TP53INP1: variants seen among roughly 807,000 people sequenced by gnomAD.
The protein encoded by TP53INP1 is tumor protein p53 inducible nuclear protein 1, also known as tumor protein p53-inducible nuclear protein 1.
In TP53INP1, 12 loss-of-function variants were observed where a neutral mutation model predicts 21.0. The ratio of observed to expected loss-of-function variants is 0.57; its 90% CI spans 0.37 to 0.93. TP53INP1 has a LOEUF of 0.93. TP53INP1 is among the 40% of genes least tolerant of loss of function. The pLI is 0.01. For missense variants in TP53INP1, 274 were observed against 294.7 expected, an observed-to-expected ratio of 0.93 and a Z score of 0.51; for synonymous variants, 91 against 94.8, an observed-to-expected ratio of 0.96 and a Z score of 0.23.
In TP53INP1 at chr8:94,927,577, TATAAATGC is replaced by T. The variant is rs1820004765; in HGVS notation, c.*2894_*2901del. 6.6e-6 allele frequency: 1 copy of T among 152,160 alleles called. No individual in the cohort carries two copies. Among genetic ancestry groups the T allele is most frequent in the Non-Finnish European group, 1.5e-5 (1 of 68,010 alleles). 9.4% of individuals were successfully genotyped at this position (152,160 alleles called of 1,614,324 possible). On this transcript the variant is annotated 3_prime_UTR_variant, in exon 4 of 4. Transcript: ENST00000342697. ...AAAAAATTCCCCACCCAATCAACCATATAAATGCATTGCCACAGAAGATAAATAATGGA... is the reference window on the plus strand; with the variant it reads ...AAAAAATTCCCCACCCAATCAACCATATTGCCACAGAAGATAAATAATGGA...
intron 3 of TP53INP1, 106 bp from the exon 4 acceptor site, chr8:94,930,834 T>A: frequency 1.6e-6 from 2 of 1,247,116 alleles, no homozygotes; most frequent in Non-Finnish European, 2.2e-6. Flanking sequence ...TGTTTATGGC[T>A]GAATGAGAGC....
At chr8:94,947,284 TA>T (rs11331443) in intron 1 of TP53INP1, among the ~76,000 whole-genome samples, 116,973 of 143,134 alleles carry the variant, frequency 0.82, 49,496 homozygotes, top group Non-Finnish European at 0.92. Context: ...CAAAAAATAT[TA>T]AAAAAAAAAA....
intron 2 of TP53INP1, among the ~76,000 whole-genome samples, chr8:94,940,519 CT>C (rs1277456002): frequency 2.0e-5 from 3 of 151,958 alleles, no homozygotes; most frequent in African/African-American, 7.3e-5. Flanking sequence ...GATTTTAAGA[CT>C]GTTTCTATTC....
intron 1 of TP53INP1, among the ~76,000 whole-genome samples, chr8:94,948,528 G>A (rs1398831691): frequency 1.3e-5 from 2 of 152,218 alleles, no homozygotes; most frequent in Non-Finnish European, 1.5e-5. Context: ...ACAGGCCGCG[G>A]ACAGGCGGGG....
Position 94,940,778 on chromosome 8 carries a change from G to A in TP53INP1, c.112+52C>T, listed in dbSNP as rs970177693. 1.1e-5 allele frequency: 15 copies of A among 1,386,394 alleles called. No individual in the cohort carries two copies. In the Admixed American group the frequency reaches 2.3e-4, roughly 21 times the overall value. The allele number at this position is 1,386,394 out of a possible 1,614,324, so 85.9% of individuals were successfully genotyped here. ...TCCTTATGCAAAAACTGAGATGCAA[G>A]TTTCCATTTTTACTGTGAAGATGAA... On this transcript the variant is annotated intron_variant, in intron 2 of 3. Transcript: ENST00000342697.
In TP53INP1 at chr8:94,928,396, T is replaced by C. The variant is rs1465010560; in HGVS notation, c.*2083A>G. ...TCAGAGTTTTACATCCTGAAGACAT[T>C]AAGCTGGTCTATTTTCAAGTTACCA... On this transcript the variant is annotated 3_prime_UTR_variant, in exon 4 of 4. Coordinates refer to ENST00000342697, the MANE Select transcript of TP53INP1 (RefSeq NM_033285.4). 2 of 152,324 alleles carry C rather than the reference T, an allele frequency of 1.3e-5. No homozygotes were observed. The highest frequency in any genetic ancestry group is 4.8e-5 in the African/African-American group (2 of 41,456). The allele number at this position is 152,324 out of a possible 1,614,324, so 9.4% of individuals were successfully genotyped here.
chr8:94,939,823 T>C, intron 3 of TP53INP1, 37 bp downstream of exon 3: 3 of 1,580,660 alleles, frequency 1.9e-6, no homozygotes, highest in Non-Finnish European at 2.6e-6. Flanking sequence ...GCATGCTCAG[T>C]GGACTGCCTA....
Position 94,933,836 on chromosome 8 carries a change from G to GT in TP53INP1, c.474-3109_474-3108insA, listed in dbSNP as rs577760874. ...ATGCCTGTAATCCCAGCACTTTGTG[G>GT]GGGGGGGGGGAGGATCACGAGGTCA... On this transcript the variant is annotated intron_variant, in intron 3 of 3. Coordinates refer to ENST00000342697, the MANE Select transcript of TP53INP1 (RefSeq NM_033285.4). Among the ~76,000 whole-genome samples, 45 of 145,456 alleles carry GT rather than the reference G, an allele frequency of 3.1e-4. 2 individuals are homozygous for GT. In the South Asian group the frequency reaches 6.4e-3, roughly 21 times the overall value.
chr8:94,941,668 C>T (rs953933823), intron 1 of TP53INP1, among the ~76,000 whole-genome samples: 4 of 152,232 alleles, frequency 2.6e-5, no homozygotes, highest in Non-Finnish European at 4.4e-5. Context: ...TTGGCCAAAC[C>T]TAGAACTGGA....
chr8:94,948,172 C>CA (rs1488281329), intron 1 of TP53INP1, among the ~76,000 whole-genome samples: 3 of 152,166 alleles, frequency 2.0e-5, no homozygotes, highest in Non-Finnish European at 4.4e-5. Context: ...CAGATATAAT[C>CA]AGAAAATACA....
intron 1 of TP53INP1, among the ~76,000 whole-genome samples, chr8:94,946,862 G>A (rs1822063510): frequency 6.6e-6 from 1 of 152,106 alleles, no homozygotes; most frequent in East Asian, 1.9e-4. Context: ...CAGTGCCAGT[G>A]TAAGGATTAA....
chr8:94,948,985 G>T (rs1011589389), intron 1 of TP53INP1, among the ~76,000 whole-genome samples, 169 bp downstream of exon 1: 9 of 150,118 alleles, frequency 6.0e-5, no homozygotes, highest in Non-Finnish European at 1.0e-4. Context: ...GGCCGGGCCC[G>T]GCGGCGGCGA....
chr8:94,930,201 T>C lies in TP53INP1; in HGVS notation c.*278A>G. On this transcript the variant is annotated 3_prime_UTR_variant, in exon 4 of 4. Transcript: ENST00000342697. The stretch of plus-strand genomic sequence containing the variant: ...TTAAAATGCTGACTAATGTATAACC[T>C]AATATATTTAAAGACACCCCCAAAC... 2.7e-6 allele frequency: 1 copy of C among 365,688 alleles called. No homozygotes were observed. The highest frequency in any genetic ancestry group is 4.9e-6 in the Non-Finnish European group (1 of 202,120). The allele number at this position is 365,688 out of a possible 1,614,324, so 22.7% of individuals were successfully genotyped here. A position where few individuals can be genotyped will look rare whatever the true frequency, so the allele number is the denominator to read the frequency against.
rs1304416546 is a variant in TP53INP1, at chr8:94,926,697, T to C, written c.*3782A>G. 1.3e-5 allele frequency: 2 copies of C among 152,158 alleles called. No homozygotes were observed. The highest frequency in any genetic ancestry group is 2.9e-5 in the Non-Finnish European group (2 of 68,018). The allele number at this position is 152,158 out of a possible 1,614,324, so 9.4% of individuals were successfully genotyped here. A position where few individuals can be genotyped will look rare whatever the true frequency, so the allele number is the denominator to read the frequency against. ...AAGCTGCCTGCCTTTCAAGAGTAAC[T>C]CTCCTCCCATGCAAAGGATACTGTT... On this transcript the variant is annotated 3_prime_UTR_variant, in exon 4 of 4. Coordinates refer to ENST00000342697, the MANE Select transcript of TP53INP1 (RefSeq NM_033285.4).
chr8:94,933,147 C>T (rs1433680443), intron 3 of TP53INP1, among the ~76,000 whole-genome samples: 3 of 152,184 alleles, frequency 2.0e-5, no homozygotes, highest in Middle Eastern at 3.4e-3. Flanking sequence ...GAACCCAGTG[C>T]GGAGGTTGCA....
Position 94,928,346 on chromosome 8 carries a change from T to C in TP53INP1, c.*2133A>G, listed in dbSNP as rs998009733. 1 of 152,246 alleles carries C rather than the reference T, an allele frequency of 6.6e-6. No homozygotes were observed. The highest frequency in any genetic ancestry group is 1.5e-5 in the Non-Finnish European group (1 of 68,042). The allele number at this position is 152,246 out of a possible 1,614,324, so 9.4% of individuals were successfully genotyped here. On this transcript the variant is annotated 3_prime_UTR_variant, in exon 4 of 4. Transcript: ENST00000342697. ...TGAGGTACTAACAACTTACATGCAA[T>C]GTATGAAAAAGAGACGCCGTGTATT... is the stretch of plus-strand genomic sequence containing the variant.
Position 94,949,155 on chromosome 8 carries a change from T to G in TP53INP1, c.-152A>C, listed in dbSNP as rs1230639017. On this transcript the variant is annotated splice_region_variant and 5_prime_UTR_variant, in exon 1 of 4. Transcript: ENST00000342697. ...CGCCCGCCCCCCCCCGGCACTTACG[T>G]GGGCCCGGGCCGTGCGGGGCTGCGC... 1.4e-5 allele frequency: 2 copies of G among 147,412 alleles called. No individual in the cohort carries two copies. Among genetic ancestry groups the G allele is most frequent in the Non-Finnish European group, 3.0e-5 (2 of 66,280 alleles). The allele number at this position is 147,412 out of a possible 1,614,324, so 9.1% of individuals were successfully genotyped here.
rs778788846 is a variant in TP53INP1, at chr8:94,940,026, A to G, written c.307T>C (p.Cys103Arg). ...GTGGTTAATCCACCTGCAGTAAAAC[A>G]TGGGGGTGGGGTGATAAACCAGCTC... ...EESWFITPPPCFTAGGLTTIK... is the reference protein window; with the variant it reads ...EESWFITPPPRFTAGGLTTIK... The change falls in exon 3 of 4, where the codon TGT becomes CGT. Residue 103 changes from cysteine (C) to arginine (R), a missense_variant. Cys to Arg is a radical substitution (Grantham distance 180, BLOSUM62 -3). Coordinates refer to ENST00000342697, the MANE Select transcript of TP53INP1 (RefSeq NM_033285.4). 13 of 1,614,076 alleles carry G rather than the reference A, an allele frequency of 8.1e-6. No homozygotes were observed. Among genetic ancestry groups the G allele is most frequent in the Non-Finnish European group, 8.5e-7 (1 of 1,180,024 alleles).
At chr8:94,940,250 T>C (rs939129863) in intron 2 of TP53INP1, 30 bp from the exon 3 acceptor site, 2 of 1,565,582 alleles carry the variant, frequency 1.3e-6, no homozygotes, top group African/African-American at 1.4e-5. Flanking sequence ...GCAGTCCACA[T>C]GTGTTGTTGA....
Sources: gnomAD v4.1 joint callset for allele counts (sites outside exome capture counted in the v4.1 genomes callset) on GRCh38, gnomAD v4.1.1 for gene constraint, MANE v1.5 for transcripts, NCBI Gene and HGNC (gene_info 2026-07-23, HGNC 2026-07-21) for gene names.